C2CD2: variants seen among roughly 807,000 people sequenced by gnomAD.
C2CD2 encodes C2 domain-containing protein 2.
A neutral mutation model predicts 74.3 loss-of-function variants in C2CD2; 43 were observed. The observed-to-expected ratio is 0.58, with a 90% CI of 0.45 to 0.75. The LOEUF (loss-of-function observed/expected upper bound fraction) is 0.75. Ranked by LOEUF, C2CD2 falls within the 30% of genes least tolerant of loss-of-function variation. The pLI is 0.00. For synonymous variants in C2CD2, 422 were observed against 390.7 expected (o/e 1.08, Z -0.94); for missense variants, 801 against 916.3 (o/e 0.87, Z 1.63).
chr21:41,892,291 G>A lies in C2CD2; in HGVS notation c.1871-2947C>T, dbSNP rs997396783. 2.6e-5 allele frequency among the ~76,000 whole-genome samples: 4 copies of A among 152,180 alleles called. No homozygotes were observed. Among genetic ancestry groups the A allele is most frequent in the Non-Finnish European group, 5.9e-5 (4 of 68,030 alleles). ...GTCAGCAGCTGTCAGGAGCTGGAGA[G>A]GCGGGAGCAGGCTCTCCCACAGGGC... On this transcript the variant is annotated intron_variant, in intron 13 of 13. Coordinates refer to ENST00000380486, the MANE Select transcript of C2CD2 (RefSeq NM_015500.2). The surrounding 1 kb of genome is among the most constrained non-coding windows in gnomAD (Gnocchi z 4.6).
Position 41,920,340 on chromosome 21 carries a change from G to A in C2CD2, c.493-1380C>T, listed in dbSNP as rs558471692. 2.6e-5 allele frequency among the ~76,000 whole-genome samples: 4 copies of A among 152,196 alleles called. 1 individual carries two copies. The highest frequency in any genetic ancestry group is 4.2e-4 in the South Asian group (2 of 4,808). ...CCTTTATTCTTCAGCTAGATGCTCC[G>A]TCCAAAGCAAAAATCTTAACTTTGC... On this transcript the variant is annotated intron_variant, in intron 3 of 13. Coordinates refer to ENST00000380486, the MANE Select transcript of C2CD2 (RefSeq NM_015500.2).
rs2064674331 is a variant in C2CD2 at position 41,885,555 on chromosome 21, G to A, written c.*3569C>T. ...CAGGCTGCTTTGGTCTTCGTGTCTA[G>A]GCCGGTTTGGGGCAGTGGGGAGAGG... On this transcript the variant is annotated 3_prime_UTR_variant, in exon 14 of 14. Transcript: ENST00000380486. 2 of 152,754 alleles carry A rather than the reference G, an allele frequency of 1.3e-5. No individual in the cohort carries two copies. Among genetic ancestry groups the A allele is most frequent in the African/African-American group, 4.8e-5 (2 of 41,450 alleles). The allele number at this position is 152,754 out of a possible 1,614,324, so 9.5% of individuals were successfully genotyped here.
rs2064715594 is a variant in C2CD2, at chr21:41,889,052, A to G, written c.*72T>C. 1.8e-6 allele frequency: 2 copies of G among 1,134,404 alleles called. No individual in the cohort carries two copies. Among genetic ancestry groups the G allele is most frequent in the Non-Finnish European group, 1.3e-6 (1 of 753,792 alleles). The allele number at this position is 1,134,404 out of a possible 1,614,324, so 70.3% of individuals were successfully genotyped here. A position where few individuals can be genotyped will look rare whatever the true frequency, so the allele number is the denominator to read the frequency against. ...GGGCATCTGGACATCCGGCGGACAC[A>G]CTGGCTGCGTCCTGGTGAGGGTAGT... On this transcript the variant is annotated 3_prime_UTR_variant, in exon 14 of 14. Coordinates refer to ENST00000380486, the MANE Select transcript of C2CD2 (RefSeq NM_015500.2).
chr21:41,950,531 G>A (rs1365740054), intron 1 of C2CD2, among the ~76,000 whole-genome samples: 1 of 152,236 alleles, frequency 6.6e-6, no homozygotes, highest in African/African-American at 2.4e-5. Flanking sequence ...CTTGGATCCT[G>A]GAAGGTGCGA....
chr21:41,918,793 G>A (rs2065121999), intron 4 of C2CD2, 63 bp downstream of exon 4: 2 of 1,275,258 alleles, frequency 1.6e-6, no homozygotes, highest in Non-Finnish European at 2.3e-6. Flanking sequence ...CCCCACCGCA[G>A]ACTGTCCTAA....
rs556858297 is a variant in C2CD2 at position 41,889,789 on chromosome 21, T to C, written c.1871-445A>G. Among the ~76,000 whole-genome samples the C allele has an allele frequency of 2.0e-4, 30 of 152,152 alleles. 1 individual carries two copies. The highest frequency in any genetic ancestry group is 6.8e-3 in the Middle Eastern group (2 of 294). On this transcript the variant is annotated intron_variant, in intron 13 of 13. Transcript: ENST00000380486. ...CTGGGATTACAGGTGTGTGCCACCATGCCTAGCTAATTTTTTTGTATTTCT... is the reference window on the plus strand; with the variant it reads ...CTGGGATTACAGGTGTGTGCCACCACGCCTAGCTAATTTTTTTGTATTTCT...
At chr21:41,928,312 G>C (rs1360458069) in intron 2 of C2CD2, among the ~76,000 whole-genome samples, 1 of 152,076 alleles carries the variant, frequency 6.6e-6, no homozygotes, top group African/African-American at 2.4e-5. Flanking sequence ...CTGCAGGCTG[G>C]CTCGGCCCAG....
rs911600129 is a variant in C2CD2, at chr21:41,885,434, G to T, written c.*3690C>A. On this transcript the variant is annotated 3_prime_UTR_variant, in exon 14 of 14. Transcript: ENST00000380486. ...GCTGCTGCCCAGCTGCTAACTGAGA[G>T]AACGAGGCAGTGTATTGTGTTTCGA... 2.0e-5 allele frequency: 3 copies of T among 152,658 alleles called. No individual in the cohort carries two copies. The highest frequency in any genetic ancestry group is 7.2e-5 in the African/African-American group (3 of 41,444). 9.5% of individuals were successfully genotyped at this position (152,658 alleles called of 1,614,324 possible).
intron 1 of C2CD2, 85 bp from the exon 2 acceptor site, chr21:41,942,330 A>G: frequency 9.4e-7 from 1 of 1,060,238 alleles, no homozygotes; most frequent in Non-Finnish European, 1.4e-6. Flanking sequence ...GTTCTGAAAA[A>G]TTAAGAAAAT....
chr21:41,953,720 C>T lies in C2CD2; in HGVS notation c.-72G>A. On this transcript the variant is annotated 5_prime_UTR_variant, in exon 1 of 14. Coordinates refer to ENST00000380486, the MANE Select transcript of C2CD2 (RefSeq NM_015500.2). The stretch of plus-strand genomic sequence containing the variant: ...GCCGGAACGGCGGACTCAGGACACG[C>T]GCTGGCTGCGGCCACAGCGCGCTGG... 8.0e-7 allele frequency: 1 copy of T among 1,254,660 alleles called. No individual in the cohort carries two copies. The highest frequency in any genetic ancestry group is 1.0e-6 in the Non-Finnish European group (1 of 998,176). The allele number at this position is 1,254,660 out of a possible 1,614,324, so 77.7% of individuals were successfully genotyped here.
rs948376967 is a variant in C2CD2 at position 41,887,157 on chromosome 21, G to C, written c.*1967C>G. The C allele has an allele frequency of 6.6e-6, 1 of 152,132 alleles. No homozygotes were observed. The highest frequency in any genetic ancestry group is 1.5e-5 in the Non-Finnish European group (1 of 68,032). The allele number at this position is 152,132 out of a possible 1,614,324, so 9.4% of individuals were successfully genotyped here. On this transcript the variant is annotated 3_prime_UTR_variant, in exon 14 of 14. Coordinates refer to ENST00000380486, the MANE Select transcript of C2CD2 (RefSeq NM_015500.2). ...CAGCCTCTTTTTACCACATGGCAAA[G>C]AGCAGTAAAACTTCAAGTAAAACAT...
At chr21:41,909,998 T>TAA (rs4009689) in intron 7 of C2CD2, among the ~76,000 whole-genome samples, 2 of 143,674 alleles carry the variant, frequency 1.4e-5, no homozygotes, top group African/African-American at 2.6e-5. Context: ...ACAAAGGCAT[T>TAA]AAAAAAAAAA....
At chr21:41,928,698 C>G (rs2065238008) in intron 2 of C2CD2, among the ~76,000 whole-genome samples, 1 of 152,176 alleles carries the variant, frequency 6.6e-6, no homozygotes, top group South Asian at 2.1e-4. Flanking sequence ...CCCCCCACCC[C>G]CCAATCCCGC....
At chr21:41,911,284 C>T (rs1569065824) in intron 7 of C2CD2, among the ~76,000 whole-genome samples, 2 of 151,484 alleles carry the variant, frequency 1.3e-5, no homozygotes, top group Admixed American at 1.3e-4. Context: ...ATGAACACAG[C>T]TGGTTTTATT....
chr21:41,925,584 C>T (rs1455997979), intron 2 of C2CD2, among the ~76,000 whole-genome samples: 4 of 152,222 alleles, frequency 2.6e-5, no homozygotes. Context: ...CTCTGCCACC[C>T]TAACAAATAA....
chr21:41,918,388 C>T (rs1265932675), intron 4 of C2CD2, among the ~76,000 whole-genome samples, 161 bp from the exon 5 acceptor site: 2 of 152,160 alleles, frequency 1.3e-5, no homozygotes, highest in African/African-American at 4.8e-5. Context: ...GAAAGGACGC[C>T]CTGCCCTTGG....
chr21:41,915,499 C>T (rs959843751), intron 5 of C2CD2, among the ~76,000 whole-genome samples: 1 of 151,502 alleles, frequency 6.6e-6, no homozygotes, highest in Non-Finnish European at 1.5e-5. Context: ...TGCAGTGGTG[C>T]GATCTCAGTT....
intron 7 of C2CD2, 157 bp downstream of exon 7, chr21:41,912,174 AC>A (rs1045327132): frequency 7.2e-6 from 4 of 555,484 alleles, no homozygotes; most frequent in African/African-American, 1.9e-5. Context: ...CCCATGTTTG[AC>A]CTAAAGCTAC....
Position 41,922,085 on chromosome 21 carries a change from C to T in C2CD2, c.379G>A (p.Val127Met). Residue 127 changes from valine to methionine, a missense_variant and splice_region_variant, in exon 3 of 14, where the codon GTG becomes ATG. Physicochemically the swap from Val to Met is conservative, Grantham distance 21. Transcript: ENST00000380486. ...SSVLRSAEEK[V>M]VVCHVVGQAI... ...TGGCCCACCACGTGACAGACCACCACCTGGAGGAGGCACAGGTAAGGGAGA... is the reference window on the plus strand; with the variant it reads ...TGGCCCACCACGTGACAGACCACCATCTGGAGGAGGCACAGGTAAGGGAGA... The T allele has an allele frequency of 2.5e-6, 4 of 1,598,048 alleles. No individual in the cohort carries two copies. Among genetic ancestry groups the T allele is most frequent in the Non-Finnish European group, 1.7e-6 (2 of 1,165,434 alleles).
Sources: allele counts gnomAD v4.1 joint callset (sites outside exome capture counted in the v4.1 genomes callset), GRCh38; gene constraint gnomAD v4.1.1; non-coding constraint Gnocchi (gnomAD v3.1); transcripts MANE v1.5; gene names NCBI Gene and HGNC (gene_info 2026-07-23, HGNC 2026-07-21).